Variants in MSH5 observed in about 807,000 individuals in gnomAD.
The protein encoded by MSH5 is mutS protein homolog 5.
Under a neutral mutation model 107.7 loss-of-function variants are expected in MSH5, and 78 were observed. The observed-to-expected ratio is 0.72, with a 90% CI of 0.60 to 0.87. The LOEUF (loss-of-function observed/expected upper bound fraction) is 0.87, where lower values mean the gene tolerates loss of function less well. Ranked by LOEUF, MSH5 falls within the 40% of genes least tolerant of loss-of-function variation. The pLI is 0.00. For synonymous variants in MSH5, 326 were observed against 399.5 expected, an observed-to-expected ratio of 0.82 and a Z score of 2.19; for missense variants, 889 against 1,046.6, an observed-to-expected ratio of 0.85 and a Z score of 2.08.
intron 8 of MSH5, among the ~76,000 whole-genome samples, chr6:31,744,882 G>A (rs1251421643): frequency 6.6e-6 from 1 of 152,156 alleles, no homozygotes; most frequent in Non-Finnish European, 1.5e-5. Flanking sequence ...GGGAGGCCAA[G>A]GCGGGTGGAT....
chr6:31,747,400 A>T lies in MSH5; in HGVS notation c.780A>T (p.Arg260Ser), dbSNP rs775716730. 6.2e-7 allele frequency: 1 copy of T among 1,613,110 alleles called. No homozygotes were observed. Among genetic ancestry groups the T allele is most frequent in the Non-Finnish European group, 8.5e-7 (1 of 1,180,020 alleles). ...TATCCCTCACAGGAATCCTCAACAG[A>T]TGCCACTGTAAGTGGGGAGAGAAGC... ...EGLSLFGILN[R>S]CHCKWGEKLL... Residue 260 changes from arginine to serine, a missense_variant, in exon 10 of 25, where the codon AGA becomes AGT. Physicochemically the swap from Arg to Ser is moderately radical, Grantham distance 110. Transcript: ENST00000375750.
intron 12 of MSH5, among the ~76,000 whole-genome samples, chr6:31,754,635 C>A (rs1040066095): frequency 6.6e-6 from 1 of 152,180 alleles, no homozygotes; most frequent in Non-Finnish European, 1.5e-5. Context: ...CCTTAGCCTC[C>A]AGAGTAACTG....
intron 3 of MSH5, 79 bp from the exon 4 acceptor site, chr6:31,742,798 G>A: frequency 3.7e-6 from 5 of 1,352,138 alleles, no homozygotes; most frequent in Non-Finnish European, 5.3e-6. Context: ...GAGAGGGGTA[G>A]GAAGAGGAGG....
intron 3 of MSH5, among the ~76,000 whole-genome samples, chr6:31,741,510 C>G (rs758102327): frequency 1.3e-5 from 2 of 152,152 alleles, no homozygotes; most frequent in Non-Finnish European, 2.9e-5. Context: ...TCCCGAGTAG[C>G]TGGGACTACA....
chr6:31,745,092 A>G, intron 8 of MSH5, 145 bp from the exon 9 acceptor site: 1 of 607,336 alleles, frequency 1.6e-6, no homozygotes, highest in South Asian at 1.8e-5. Flanking sequence ...CGACAGAGCG[A>G]GACTCCATCT....
chr6:31,740,502 G>A lies in MSH5; in HGVS notation c.36G>A (p.Pro12=). The change falls in exon 2 of 25, where the codon CCG becomes CCA. Residue 12 remains proline (P), a synonymous_variant. Coordinates refer to ENST00000375750, the MANE Select transcript of MSH5 (RefSeq NM_172166.4). The surrounding 1 kb of genome is among the most constrained non-coding windows in gnomAD (Gnocchi z 4.4). ...ASLGANPRRT[P]QGPRPGAASS... is the part of the protein sequence containing the mutation. ...TAGGAGCGAACCCAAGGAGGACACC[G>A]CAGGGACCGAGACCTGGGGCGGCCT... The A allele has an allele frequency of 6.4e-7, 1 of 1,567,346 alleles. No homozygotes were observed. Among genetic ancestry groups the A allele is most frequent in the Non-Finnish European group, 8.7e-7 (1 of 1,155,716 alleles).
rs142440336 is a variant in MSH5, at chr6:31,743,651, G to A, written c.416-253G>A. Reference sequence around the variant, plus strand: ...TGACCAAAATCCTCAATTCCAGACAGATGTCTACTTTCCTCAGCCATTTAT... The same window carrying A: ...TGACCAAAATCCTCAATTCCAGACAAATGTCTACTTTCCTCAGCCATTTAT... On this transcript the variant is annotated intron_variant, in intron 5 of 24. Coordinates refer to ENST00000375750, the MANE Select transcript of MSH5 (RefSeq NM_172166.4). Among the ~76,000 whole-genome samples, 243 of 152,286 alleles carry A rather than the reference G, an allele frequency of 1.6e-3. 1 individual carries two copies. The highest frequency in any genetic ancestry group is 5.5e-3 in the African/African-American group (229 of 41,540).
rs17201074 is a variant in MSH5 at position 31,740,362 on chromosome 6, G to C, written c.-13-92G>C. On this transcript the variant is annotated intron_variant, in intron 1 of 24. Coordinates refer to ENST00000375750, the MANE Select transcript of MSH5 (RefSeq NM_172166.4). The surrounding 1 kb of genome is among the most constrained non-coding windows in gnomAD (Gnocchi z 4.4). The stretch of plus-strand genomic sequence containing the variant: ...CCTGCCCCGCAGCCCTGTAGCAGAA[G>C]TACTTAGTGCTTTGCATTCTGCGCG... 1 of 1,352,792 alleles carries C rather than the reference G, an allele frequency of 7.4e-7. No homozygotes were observed. 83.8% of individuals were successfully genotyped at this position (1,352,792 alleles called of 1,614,324 possible).
chr6:31,753,071 G>A (rs114216441), intron 10 of MSH5, among the ~76,000 whole-genome samples: 2 of 152,304 alleles, frequency 1.3e-5, no homozygotes, highest in South Asian at 2.1e-4. Context: ...GGTCTTATCC[G>A]TTGAAACTGT....
In MSH5 at chr6:31,759,820, C is replaced by T; in HGVS notation, c.1530C>T (p.Cys510=). 1 of 1,613,776 alleles carries T rather than the reference C, an allele frequency of 6.2e-7. No individual in the cohort carries two copies. The highest frequency in any genetic ancestry group is 8.5e-7 in the Non-Finnish European group (1 of 1,180,038). ...CGCTGCTGATGTACCAGCTACAGTG[C>T]CAGGTGCTGGCACGAGCAGCTGTCT... ...QETLLMYQLQ[C]QVLARAAVLT... is the part of the protein sequence containing the mutation. The change falls in exon 18 of 25, where the codon TGC becomes TGT. Residue 510 remains cysteine (C), a synonymous_variant. Coordinates refer to ENST00000375750, the MANE Select transcript of MSH5 (RefSeq NM_172166.4). This position sits in a 1 kb window ranked among gnomAD's most constrained non-coding sequence, Gnocchi z 4.7.
rs766260788 is a variant in MSH5 at position 31,743,052 on chromosome 6, A to T, written c.353-56A>T. The stretch of plus-strand genomic sequence containing the variant: ...AATTGGGTGAGAGGGAGTGTCAGAC[A>T]GAGGTAGAAGGACTGAGATGTAAAG... On this transcript the variant is annotated intron_variant, in intron 4 of 24. Transcript: ENST00000375750. 9 of 1,610,672 alleles carry T rather than the reference A, an allele frequency of 5.6e-6. No individual in the cohort carries two copies. In the Admixed American group the frequency reaches 1.5e-4, roughly 27 times the overall value.
intron 9 of MSH5, chr6:31,746,080 T>TTTTGTGTGTGTGTGTGTGTGTGTGTG: frequency 8.6e-6 from 1 of 116,844 alleles, no homozygotes; most frequent in African/African-American, 3.7e-5. Context: ...GTGTCCAGTT[T>TTTTGTGTGTGTGTGTGTGTGTGTGTG]TGTGTGTGTG....
In MSH5 at chr6:31,761,412, G is replaced by A; in HGVS notation, c.2038-60G>A. The A allele has an allele frequency of 3.7e-6, 6 of 1,608,126 alleles. No individual in the cohort carries two copies. The South Asian group carries it at 6.6e-5, about 18-fold the overall frequency. ...CACGAGACAGGGAAAGGCAGTGCAA[G>A]TGCAGAGGGGCATATGGGGTCCCCA... On this transcript the variant is annotated intron_variant, in intron 21 of 24. Coordinates refer to ENST00000375750, the MANE Select transcript of MSH5 (RefSeq NM_172166.4). This position sits in a 1 kb window ranked among gnomAD's most constrained non-coding sequence, Gnocchi z 5.3.
chr6:31,761,155 C>A lies in MSH5; in HGVS notation c.1963-33C>A, dbSNP rs766934353. The A allele has an allele frequency of 3.7e-5, 60 of 1,606,926 alleles. No individual in the cohort carries two copies. In the African/African-American group the frequency reaches 6.3e-4, roughly 17 times the overall value. ...GTCAGTGCGTTACGGGCTTCCAATACTAACTTTCCCTTGTCCACCTTATAC... is the reference window on the plus strand; with the variant it reads ...GTCAGTGCGTTACGGGCTTCCAATAATAACTTTCCCTTGTCCACCTTATAC... On this transcript the variant is annotated intron_variant, in intron 20 of 24. Transcript: ENST00000375750. This position sits in a 1 kb window ranked among gnomAD's most constrained non-coding sequence, Gnocchi z 5.3.
At position 31,744,505 on chromosome 6, in the gene MSH5, G is replaced by C. The variant is rs775239109; in HGVS notation, c.648-41G>C. On this transcript the variant is annotated intron_variant, in intron 7 of 24. Transcript: ENST00000375750. ...GACAAAGGAAGTGGAGTTGTGGAAC[G>C]AACTCAGACTGCTTCCTGCTTTTTT... 6 of 1,609,986 alleles carry C rather than the reference G, an allele frequency of 3.7e-6. No homozygotes were observed. In the Admixed American group the frequency reaches 6.7e-5, roughly 18 times the overall value.
Position 31,758,579 on chromosome 6 carries a change from G to A in MSH5, c.1175G>A (p.Arg392His), listed in dbSNP as rs777865774. Reference protein sequence around the residue: ...VDFEGSLAENRFTVLPNIDPE... With the variant: ...VDFEGSLAENHFTVLPNIDPE... ...TTTGAGGGCAGCCTTGCTGAAAATC[G>A]CTTCACAGTCCTCCCCAACATAGAT... is the stretch of plus-strand genomic sequence containing the variant. The change falls in exon 14 of 25, where the codon CGC becomes CAC. Residue 392 changes from arginine to histidine, a missense_variant. Coordinates refer to ENST00000375750, the MANE Select transcript of MSH5 (RefSeq NM_172166.4). The surrounding 1 kb of genome is among the most constrained non-coding windows in gnomAD (Gnocchi z 5.1). 7.4e-6 allele frequency: 12 copies of A among 1,613,548 alleles called. No homozygotes were observed. The highest frequency in any genetic ancestry group is 1.7e-4 in the Middle Eastern group (1 of 6,032).
intron 7 of MSH5, 23 bp from the exon 8 acceptor site, chr6:31,744,523 G>C (rs1455233355): frequency 6.2e-7 from 1 of 1,613,496 alleles, no homozygotes; most frequent in South Asian, 1.1e-5. Context: ...ACTGCTTCCT[G>C]CTTTTTTGTT....
chr6:31,743,770 C>G, intron 5 of MSH5, 134 bp from the exon 6 acceptor site: 1 of 1,329,484 alleles, frequency 7.5e-7, no homozygotes, highest in South Asian at 1.5e-5. Context: ...GGTTCTTGCT[C>G]TAGCTTTCCA....
chr6:31,760,933 G>A lies in MSH5; in HGVS notation c.1962+94G>A. The A allele has an allele frequency of 7.1e-7, 1 of 1,400,600 alleles. No homozygotes were observed. Among genetic ancestry groups the A allele is most frequent in the Non-Finnish European group, 9.7e-7 (1 of 1,029,052 alleles). The allele number at this position is 1,400,600 out of a possible 1,614,324, so 86.8% of individuals were successfully genotyped here. The stretch of plus-strand genomic sequence containing the variant: ...ATAACAGGAAAGCATGCCCTCTGCT[G>A]CATGCCCTTTATACTAAAAGTGGGG... On this transcript the variant is annotated intron_variant, in intron 20 of 24. Transcript: ENST00000375750. This position sits in a 1 kb window ranked among gnomAD's most constrained non-coding sequence, Gnocchi z 5.6.
Sources: allele counts gnomAD v4.1 joint callset (sites outside exome capture counted in the v4.1 genomes callset), GRCh38; gene constraint gnomAD v4.1.1; non-coding constraint Gnocchi (gnomAD v3.1); transcripts MANE v1.5; gene names NCBI Gene and HGNC (gene_info 2026-07-23, HGNC 2026-07-21).